The following TRAK2 variants were observed in gnomAD, a reference collection of about 807,000 sequenced individuals.
TRAK2 encodes the protein trafficking kinesin-binding protein 2.
TRAK2 carries 81 observed loss-of-function variants against 104.6 expected under a neutral mutation model. The observed-to-expected ratio is 0.77, with a 90% CI of 0.65 to 0.93. The LOEUF is 0.93. Ranked by LOEUF, TRAK2 falls within the 40% of genes least tolerant of loss-of-function variation. The pLI is 0.00. For synonymous variants in TRAK2, 406 were observed against 394.4 expected (o/e 1.03, Z -0.35); for missense variants, 1,002 against 1,089.0 (o/e 0.92, Z 1.12).
intron 1 of TRAK2, among the ~76,000 whole-genome samples, chr2:201,435,316 C>T (rs1367275290): frequency 6.6e-6 from 1 of 152,156 alleles, no homozygotes; most frequent in Non-Finnish European, 1.5e-5. Context: ...CCTTGGCCTC[C>T]CAAAGTGCTG....
intron 13 of TRAK2, among the ~76,000 whole-genome samples, chr2:201,386,925 G>C (rs1448411343): frequency 3.9e-5 from 6 of 152,160 alleles, no homozygotes; most frequent in African/African-American, 1.4e-4. Flanking sequence ...ATGAAAAGGA[G>C]GATATGTTCT....
chr2:201,387,710 G>A lies in TRAK2; in HGVS notation c.1689C>T (p.Pro563=), dbSNP rs768503233. ...FMPEKLQIVK[P]LEGSQTLYHW... is the part of the protein sequence containing the mutation. ...CCCTTACTGATTTATTACCTTCAAGGGGCTTGACAATTTGTAATTTTTCTG... is the reference window on the plus strand; with the variant it reads ...CCCTTACTGATTTATTACCTTCAAGAGGCTTGACAATTTGTAATTTTTCTG... The change falls in exon 13 of 16, where the codon CCC becomes CCT. Residue 563 remains proline, a synonymous_variant. Coordinates refer to ENST00000332624, the MANE Select transcript of TRAK2 (RefSeq NM_015049.3). 7 of 1,601,304 alleles carry A rather than the reference G, an allele frequency of 4.4e-6. No individual in the cohort carries two copies. The highest frequency in any genetic ancestry group is 2.7e-5 in the African/African-American group (2 of 74,642).
chr2:201,380,233 T>C lies in TRAK2; in HGVS notation c.*310A>G, dbSNP rs192596434. On this transcript the variant is annotated 3_prime_UTR_variant, in exon 16 of 16. Transcript: ENST00000332624. ...CCAGCAAGTTCAGTATCTCTGTATGTTTTAGTATTACTGAATTTATTTGTA... is the reference window on the plus strand; with the variant it reads ...CCAGCAAGTTCAGTATCTCTGTATGCTTTAGTATTACTGAATTTATTTGTA... 48 of 361,108 alleles carry C rather than the reference T, an allele frequency of 1.3e-4. No individual in the cohort carries two copies. The East Asian group carries it at 2.7e-3, about 20-fold the overall frequency. 22.4% of individuals were successfully genotyped at this position (361,108 alleles called of 1,614,324 possible). A position where few individuals can be genotyped will look rare whatever the true frequency, so the allele number is the denominator to read the frequency against.
chr2:201,386,089 A>C, intron 14 of TRAK2, 129 bp downstream of exon 14: 1 of 998,586 alleles, frequency 1.0e-6, no homozygotes, highest in South Asian at 1.6e-5. Flanking sequence ...AATGCTATAG[A>C]TTTTCATTAT....
At chr2:201,439,481 A>G (rs1331789145) in intron 1 of TRAK2, among the ~76,000 whole-genome samples, 1 of 152,100 alleles carries the variant, frequency 6.6e-6, no homozygotes, top group East Asian at 1.9e-4. Flanking sequence ...GATAACGAGG[A>G]AAGTCCAATA....
chr2:201,444,267 T>C (rs1458011169), intron 1 of TRAK2, among the ~76,000 whole-genome samples: 1 of 152,036 alleles, frequency 6.6e-6, no homozygotes, highest in Non-Finnish European at 1.5e-5. Flanking sequence ...AAGGTTCTCA[T>C]AGTAACGACA....
At chr2:201,406,866 T>G (rs1951599140) in intron 3 of TRAK2, among the ~76,000 whole-genome samples, 1 of 152,198 alleles carries the variant, frequency 6.6e-6, no homozygotes, top group South Asian at 2.1e-4. Context: ...TCAGAACAAA[T>G]CTGGCTCAGT....
intron 11 of TRAK2, 64 bp downstream of exon 11, chr2:201,389,737 A>G: frequency 7.0e-7 from 1 of 1,432,894 alleles, no homozygotes; most frequent in Non-Finnish European, 9.6e-7. Flanking sequence ...GCCACTTTGG[A>G]TTGTGGCTTC....
intron 2 of TRAK2, chr2:201,412,345 T>G: frequency 6.7e-6 from 9 of 1,341,090 alleles, no homozygotes; most frequent in Non-Finnish European, 9.6e-6. Context: ...GAAGGGAATC[T>G]TTGTCATTTG....
chr2:201,400,992 A>T, intron 4 of TRAK2, 26 bp downstream of exon 4: 1 of 1,579,952 alleles, frequency 6.3e-7, no homozygotes, highest in Non-Finnish European at 8.7e-7. Flanking sequence ...ACCTTTTTGT[A>T]CTGGAGAAAG....
chr2:201,421,904 G>T lies in TRAK2; in HGVS notation c.-199-1198C>A, dbSNP rs533793481. 7.9e-5 allele frequency among the ~76,000 whole-genome samples: 12 copies of T among 151,984 alleles called. No individual in the cohort carries two copies. In the East Asian group the frequency reaches 2.3e-3, roughly 29 times the overall value. On this transcript the variant is annotated intron_variant, in intron 1 of 15. Coordinates refer to ENST00000332624, the MANE Select transcript of TRAK2 (RefSeq NM_015049.3). ...TCTCTACTACAGATACAAAAATTAG[G>T]TGGGTGTGGTGGCAGGTGCCTGTAA...
rs1314989547 is a variant in TRAK2 at position 201,377,696 on chromosome 2, G to A, written c.*2847C>T. The A allele has an allele frequency of 6.6e-6, 1 of 152,452 alleles. No homozygotes were observed. 9.4% of individuals were successfully genotyped at this position (152,452 alleles called of 1,614,324 possible). ...ATACAGCACAACATTTTCTAAAAAA[G>A]CACTTTAACAATGGTCATTAACTTC... is the stretch of plus-strand genomic sequence containing the variant. On this transcript the variant is annotated 3_prime_UTR_variant, in exon 16 of 16. Coordinates refer to ENST00000332624, the MANE Select transcript of TRAK2 (RefSeq NM_015049.3).
rs183255485 is a variant in TRAK2 at position 201,408,762 on chromosome 2, T to C, written c.92-1165A>G. 3.4e-4 allele frequency among the ~76,000 whole-genome samples: 51 copies of C among 152,212 alleles called. No individual in the cohort carries two copies. The East Asian group carries it at 6.4e-3, about 19-fold the overall frequency. ...GCAATACAAAGCAACCAGCAGAAAA[T>C]AGTTCCAAAGGGATAAAATGATATG... On this transcript the variant is annotated intron_variant, in intron 2 of 15. Transcript: ENST00000332624.
At chr2:201,428,887 C>G (rs1951815952) in intron 1 of TRAK2, among the ~76,000 whole-genome samples, 1 of 152,084 alleles carries the variant, frequency 6.6e-6, no homozygotes, top group Non-Finnish European at 1.5e-5. Context: ...CCTTCACATC[C>G]CTTGTAAGTT....
At chr2:201,396,697 T>A (rs1576512096) in intron 7 of TRAK2, among the ~76,000 whole-genome samples, 1 of 152,148 alleles carries the variant, frequency 6.6e-6, no homozygotes, top group Admixed American at 6.5e-5. Flanking sequence ...ATTGCGATAG[T>A]TGACCTGGTA....
At chr2:201,431,028 T>A (rs1037750675) in intron 1 of TRAK2, among the ~76,000 whole-genome samples, 2 of 152,210 alleles carry the variant, frequency 1.3e-5, no homozygotes, top group Non-Finnish European at 2.9e-5. Flanking sequence ...CTACCACGTT[T>A]AAGTATGGAG....
At chr2:201,386,985 C>T (rs146425620) in intron 13 of TRAK2, among the ~76,000 whole-genome samples, 22 of 152,338 alleles carry the variant, frequency 1.4e-4, no homozygotes, top group African/African-American at 4.8e-4. Context: ...CAAGTAATTG[C>T]ACCAGATGCA....
rs34205374 is a variant in TRAK2, at chr2:201,395,407, T to C, written c.807A>G (p.Glu269=). The change falls in exon 8 of 16, where the codon GAA becomes GAG. Residue 269 remains glutamate, a synonymous_variant. Coordinates refer to ENST00000332624, the MANE Select transcript of TRAK2 (RefSeq NM_015049.3). The stretch of plus-strand genomic sequence containing the variant: ...TCAGCTCATCACTCTTCCCTGACAA[T>C]TCTTCAGTCATTCTGGACATCTGAG... The part of the protein sequence containing the change: ...TNAQMSRMTE[E]LSGKSDELIR... 6.3e-4 allele frequency: 1,002 copies of C among 1,582,780 alleles called. 11 individuals are homozygous for C. The African/African-American group carries it at 0.011, about 18-fold the overall frequency.
At position 201,386,483 on chromosome 2, in the gene TRAK2, T is replaced by C. The variant is rs754437781; in HGVS notation, c.1698A>G (p.Gly566=). ...GCTGCCAGTGATACAGAGTTTGTGA[T>C]CCTGAATATGCAAAACAAAGGAAGG... is the stretch of plus-strand genomic sequence containing the variant. The part of the protein sequence containing the change: ...EKLQIVKPLE[G]SQTLYHWQQL... The change falls in exon 14 of 16, where the codon GGA becomes GGG. Residue 566 remains glycine (G), a splice_region_variant and synonymous_variant. Coordinates refer to ENST00000332624, the MANE Select transcript of TRAK2 (RefSeq NM_015049.3). The C allele has an allele frequency of 1.2e-6, 2 of 1,613,668 alleles. No homozygotes were observed. The highest frequency in any genetic ancestry group is 2.7e-5 in the African/African-American group (2 of 74,932).
Sources: gnomAD v4.1 joint callset for allele counts (sites outside exome capture counted in the v4.1 genomes callset) on GRCh38, gnomAD v4.1.1 for gene constraint, MANE v1.5 for transcripts, NCBI Gene and HGNC (gene_info 2026-07-23, HGNC 2026-07-21) for gene names.